Variants in ARB2A observed in about 807,000 individuals in gnomAD.
ARB2A encodes the protein cotranscriptional regulator ARB2A.
chr5:93,690,018 C>T, the ARB2A span, among the ~76,000 whole-genome samples: 16 of 152,092 alleles, frequency 1.1e-4, no homozygotes, highest in East Asian at 1.9e-4. Flanking sequence ...TGGTGCATTC[C>T]GGCCCAGATA....
At chr5:94,068,556 G>A in the ARB2A span, among the ~76,000 whole-genome samples, 1 of 152,146 alleles carries the variant, frequency 6.6e-6, no homozygotes, top group Non-Finnish European at 1.5e-5. Flanking sequence ...GAATGCCTGG[G>A]TTTATATCCA....
At chr5:93,898,960 A>C in the ARB2A span, among the ~76,000 whole-genome samples, 3 of 152,244 alleles carry the variant, frequency 2.0e-5, no homozygotes, top group South Asian at 6.2e-4. Flanking sequence ...ACAGTAAATA[A>C]ATGGTAGAAA....
chr5:93,682,637 A>G, the ARB2A span, among the ~76,000 whole-genome samples: 15 of 152,272 alleles, frequency 9.9e-5, no homozygotes, highest in East Asian at 2.9e-3. Context: ...ACTTAAAACC[A>G]AGCAAAGGGT....
At chr5:93,830,063 A>G in the ARB2A span, among the ~76,000 whole-genome samples, 1 of 151,932 alleles carries the variant, frequency 6.6e-6, no homozygotes, top group Non-Finnish European at 1.5e-5. Flanking sequence ...TATTATCAGT[A>G]ATTGTAGTGG....
the ARB2A span, among the ~76,000 whole-genome samples, chr5:93,694,934 T>C: frequency 6.6e-6 from 1 of 151,846 alleles, no homozygotes; most frequent in African/African-American, 2.4e-5. Flanking sequence ...AACAAGCAAC[T>C]GGGAAAGGAT....
chr5:93,906,707 A>G, the ARB2A span, among the ~76,000 whole-genome samples: 2 of 151,628 alleles, frequency 1.3e-5, no homozygotes, highest in South Asian at 4.1e-4. Context: ...ACTTACTTAC[A>G]TTAGACATGC....
chr5:93,729,148 C>T, the ARB2A span, among the ~76,000 whole-genome samples: 1 of 151,988 alleles, frequency 6.6e-6, no homozygotes, highest in Non-Finnish European at 1.5e-5. Flanking sequence ...CGCTCCACTC[C>T]TAGTTATCCT....
the ARB2A span, among the ~76,000 whole-genome samples, chr5:94,000,467 T>C: frequency 6.6e-6 from 1 of 152,096 alleles, no homozygotes; most frequent in Non-Finnish European, 1.5e-5. Context: ...GCTTCTTTAG[T>C]GAGGTGTCTG....
the ARB2A span, among the ~76,000 whole-genome samples, chr5:93,638,964 A>C: frequency 6.6e-6 from 1 of 152,212 alleles, no homozygotes; most frequent in Non-Finnish European, 1.5e-5. Flanking sequence ...GAATAATTTC[A>C]CTTTTTTTCT....
At chr5:93,863,903 A>G in the ARB2A span, 11 of 152,090 alleles carry the variant, frequency 7.2e-5, no homozygotes, top group African/African-American at 2.2e-4. Flanking sequence ...AAAAGTATTT[A>G]TTTTCTCTAG....
chr5:94,045,984 G>C, the ARB2A span, among the ~76,000 whole-genome samples: 1 of 152,132 alleles, frequency 6.6e-6, no homozygotes, highest in African/African-American at 2.4e-5. Context: ...ATGAGGGAAG[G>C]CTTCCTAAAG....
chr5:94,049,660 G>A, the ARB2A span, among the ~76,000 whole-genome samples: 1 of 151,368 alleles, frequency 6.6e-6, no homozygotes, highest in African/African-American at 2.4e-5. Flanking sequence ...TCTACTAAAA[G>A]TACAAAAAAA....
chr5:93,690,004 GGAATGGT>G, the ARB2A span, among the ~76,000 whole-genome samples: 1 of 152,152 alleles, frequency 6.6e-6, no homozygotes, highest in African/African-American at 2.4e-5. Flanking sequence ...TGTGTTGTGA[GGAATGGT>G]GCATTCCGGC....
At chr5:94,064,844 T>C in the ARB2A span, among the ~76,000 whole-genome samples, 1 of 152,174 alleles carries the variant, frequency 6.6e-6, no homozygotes, top group African/African-American at 2.4e-5. Context: ...TAAGGGAATC[T>C]TAAACCTGGA....
At chr5:93,754,004 C>G in the ARB2A span, among the ~76,000 whole-genome samples, 1 of 152,162 alleles carries the variant, frequency 6.6e-6, no homozygotes, top group Non-Finnish European at 1.5e-5. Context: ...TAGCAAAACT[C>G]TGTTCATCTA....
the ARB2A span, among the ~76,000 whole-genome samples, chr5:93,824,575 G>A: frequency 6.6e-6 from 1 of 152,134 alleles, no homozygotes; most frequent in Non-Finnish European, 1.5e-5. Flanking sequence ...CACTCCTAAA[G>A]AACTCCGGGT....
chr5:93,682,350 G>T, the ARB2A span, among the ~76,000 whole-genome samples: 11 of 151,782 alleles, frequency 7.2e-5, no homozygotes, highest in African/African-American at 2.7e-4. Flanking sequence ...CCTGAAATTT[G>T]GATAAAATTT....
At chr5:93,645,683 T>A in the ARB2A span, among the ~76,000 whole-genome samples, 2 of 152,162 alleles carry the variant, frequency 1.3e-5, no homozygotes, top group Admixed American at 6.5e-5. Context: ...CTAAAATGAT[T>A]GTTAGAGAAT....
chr5:93,920,738 A>G, the ARB2A span, among the ~76,000 whole-genome samples: 1 of 152,186 alleles, frequency 6.6e-6, no homozygotes, highest in Non-Finnish European at 1.5e-5. Context: ...GTAAAGATGC[A>G]GTATAAAATC....
Sources: gnomAD v4.1 joint callset for allele counts (sites outside exome capture counted in the v4.1 genomes callset) on GRCh38, gnomAD v4.1.1 for gene constraint, MANE v1.5 for transcripts, NCBI Gene and HGNC (gene_info 2026-07-23, HGNC 2026-07-21) for gene names.